ACYP2: variants seen among roughly 807,000 people sequenced by gnomAD.
ACYP2 encodes acylphosphatase 2.
In ACYP2, 12 loss-of-function variants were observed where a neutral mutation model predicts 11.2. The ratio of observed to expected loss-of-function variants is 1.08; its 90% CI spans 0.69 to 1.74. The LOEUF (loss-of-function observed/expected upper bound fraction) is 1.74, where lower values mean the gene tolerates loss of function less well. ACYP2 is among the 40% of genes most tolerant of loss of function. The probability of loss-of-function intolerance (pLI) is 0.00; values close to 1 mark genes in which losing one functional copy is unlikely to be tolerated. For synonymous variants in ACYP2, 43 were observed against 32.2 expected (o/e 1.33, Z -1.13); for missense variants, 134 against 101.9 (o/e 1.31, Z -1.35).
At chr2:54,182,674 C>T (rs1385162260) in intron 6 of ACYP2, among the ~76,000 whole-genome samples, 1 of 152,202 alleles carries the variant, frequency 6.6e-6, no homozygotes, top group Non-Finnish European at 1.5e-5. Flanking sequence ...GGTGTCTGGA[C>T]AGCCTTGTCT....
At chr2:53,989,469 C>T (rs757788504) in intron 2 of ACYP2, among the ~76,000 whole-genome samples, 13 of 152,042 alleles carry the variant, frequency 8.6e-5, no homozygotes, top group Non-Finnish European at 1.8e-4. Context: ...TGCTAAAATG[C>T]ACCTAATGTG....
rs150161567 is a variant in ACYP2, at chr2:54,281,379, T to C, written c.405-23309T>C. ...GTGGTGCTGCCACAGTGCACATGCA[T>C]AGTCAATGGATGTTATAGGAGATAC... On this transcript the variant is annotated intron_variant, in intron 6 of 6. Transcript: ENST00000607452. Among the ~76,000 whole-genome samples, 15 of 152,304 alleles carry C rather than the reference T, an allele frequency of 9.8e-5. No homozygotes were observed. The East Asian group carries it at 2.5e-3, about 25-fold the overall frequency.
At chr2:54,040,503 G>A (rs1675167886) in intron 2 of ACYP2, among the ~76,000 whole-genome samples, 1 of 152,074 alleles carries the variant, frequency 6.6e-6, no homozygotes, top group East Asian at 1.9e-4. Context: ...AGTGAAGATG[G>A]AAAGCAGAAG....
At chr2:54,251,488 T>C (rs1393321797) in intron 6 of ACYP2, among the ~76,000 whole-genome samples, 1 of 152,196 alleles carries the variant, frequency 6.6e-6, no homozygotes, top group Non-Finnish European at 1.5e-5. Flanking sequence ...AAGTTGAATA[T>C]ACTTACTTAT....
intron 6 of ACYP2, among the ~76,000 whole-genome samples, chr2:54,146,315 C>G (rs1681879409): frequency 6.6e-6 from 1 of 152,162 alleles, no homozygotes; most frequent in African/African-American, 2.4e-5. Flanking sequence ...AACCATCTGC[C>G]TTTGTGCATG....
chr2:54,215,212 C>G (rs1235648324), intron 6 of ACYP2, among the ~76,000 whole-genome samples: 1 of 152,152 alleles, frequency 6.6e-6, no homozygotes, highest in Non-Finnish European at 1.5e-5. Context: ...GTTTGACTTC[C>G]TCTCCTCCTG....
At chr2:54,135,357 TA>T in intron 4 of ACYP2, 95 bp from the exon 2 acceptor site, 1 of 1,140,256 alleles carries the variant, frequency 8.8e-7, no homozygotes. Context: ...AAACCAAGGA[TA>T]AATGGGGACC....
At chr2:54,145,121 G>C (rs1481077033) in intron 6 of ACYP2, among the ~76,000 whole-genome samples, 1 of 151,890 alleles carries the variant, frequency 6.6e-6, no homozygotes, top group Non-Finnish European at 1.5e-5. Context: ...TAACTAATGG[G>C]ATTCTGAGTT....
chr2:54,131,234 A>G (rs545149800), intron 4 of ACYP2, among the ~76,000 whole-genome samples: 2 of 152,372 alleles, frequency 1.3e-5, no homozygotes, highest in South Asian at 4.1e-4. Flanking sequence ...TATTACATCA[A>G]TAGATTGGAG....
intron 2 of ACYP2, among the ~76,000 whole-genome samples, chr2:54,035,370 A>G (rs1674839375): frequency 6.8e-6 from 1 of 146,166 alleles, no homozygotes; most frequent in Non-Finnish European, 1.5e-5. Flanking sequence ...GGTTCACGCC[A>G]TTCTCCTGTC....
chr2:54,219,127 C>T (rs945590035), intron 6 of ACYP2, among the ~76,000 whole-genome samples: 1 of 152,060 alleles, frequency 6.6e-6, no homozygotes, highest in Admixed American at 6.6e-5. Flanking sequence ...GTAATAAATT[C>T]CATATGCACA....
chr2:54,011,347 G>T (rs1016963133), intron 2 of ACYP2, among the ~76,000 whole-genome samples: 1 of 151,924 alleles, frequency 6.6e-6, no homozygotes, highest in African/African-American at 2.4e-5. Context: ...TGAATAAAAC[G>T]TTCTCTCTCC....
Position 54,276,613 on chromosome 2 carries a change from G to A in ACYP2, c.405-28075G>A, listed in dbSNP as rs1029982241. Among the ~76,000 whole-genome samples the A allele has an allele frequency of 4.3e-5, 5 of 117,378 alleles. No individual in the cohort carries two copies. The East Asian group carries it at 1.2e-3, about 29-fold the overall frequency. The allele number at this position is 117,378 out of a possible 152,430, so 77.0% of individuals were successfully genotyped here. ...TCATCTTTTTCTTTGGGTTCAGATTGTTCTTTCACACACACACACACACAC... is the reference window on the plus strand; with the variant it reads ...TCATCTTTTTCTTTGGGTTCAGATTATTCTTTCACACACACACACACACAC... On this transcript the variant is annotated intron_variant, in intron 6 of 6. Coordinates refer to ENST00000607452, the MANE Select transcript of ACYP2 (RefSeq NM_001320586.2).
chr2:54,014,444 C>G (rs771448593), intron 2 of ACYP2, among the ~76,000 whole-genome samples: 2 of 152,030 alleles, frequency 1.3e-5, no homozygotes, highest in Non-Finnish European at 2.9e-5. Context: ...CTCATCCTCC[C>G]GAGTAGCTGA....
At chr2:54,286,422 T>C (rs1214633756) in intron 6 of ACYP2, among the ~76,000 whole-genome samples, 1 of 151,966 alleles carries the variant, frequency 6.6e-6, no homozygotes, top group Non-Finnish European at 1.5e-5. Context: ...AAAATGTGAG[T>C]TGAACCATTA....
At position 54,046,303 on chromosome 2, in the gene ACYP2, A is replaced by G. The variant is rs544640757; in HGVS notation, c.63-4655A>G. On this transcript the variant is annotated intron_variant, in intron 2 of 6. Transcript: ENST00000607452. ...AGACCAGCCTGGCCAACATGGTGAA[A>G]CCCTGTCCCTACTGAAAATACAAAA... Among the ~76,000 whole-genome samples the G allele has an allele frequency of 2.0e-5, 3 of 151,816 alleles. No homozygotes were observed. In the South Asian group the frequency reaches 6.3e-4, roughly 32 times the overall value.
At chr2:54,176,005 A>AG (rs775834725) in intron 6 of ACYP2, among the ~76,000 whole-genome samples, 22 of 152,252 alleles carry the variant, frequency 1.4e-4, no homozygotes, top group Admixed American at 9.2e-4. Flanking sequence ...GATACATTGA[A>AG]GGCACCATCC....
intron 2 of ACYP2, among the ~76,000 whole-genome samples, chr2:54,035,403 G>C (rs969758644): frequency 2.0e-5 from 3 of 151,470 alleles, no homozygotes; most frequent in Admixed American, 6.6e-5. Flanking sequence ...GTAGCTGGGA[G>C]TACAGGCGCC....
At chr2:54,265,572 G>T (rs932501179) in intron 6 of ACYP2, among the ~76,000 whole-genome samples, 1 of 152,218 alleles carries the variant, frequency 6.6e-6, no homozygotes, top group Non-Finnish European at 1.5e-5. Flanking sequence ...AGAATGCAGG[G>T]TGTGGCCTAT....
Sources: gnomAD v4.1 joint callset for allele counts (sites outside exome capture counted in the v4.1 genomes callset) on GRCh38, gnomAD v4.1.1 for gene constraint, MANE v1.5 for transcripts, NCBI Gene and HGNC (gene_info 2026-07-23, HGNC 2026-07-21) for gene names.